ROR1: variants seen among roughly 807,000 people sequenced by gnomAD.
The protein encoded by ROR1 is ROR family WNT receptor 1.
A neutral mutation model predicts 78.8 loss-of-function variants in ROR1; 19 were observed. The ratio of observed to expected loss-of-function variants is 0.24; its 90% CI spans 0.17 to 0.35. The LOEUF (loss-of-function observed/expected upper bound fraction) is 0.35, where lower values mean the gene tolerates loss of function less well. ROR1 is among the 10% of genes least tolerant of loss of function. The pLI is 1.00. For synonymous variants in ROR1, 386 were observed against 433.6 expected, an observed-to-expected ratio of 0.89 and a Z score of 1.36; for missense variants, 917 against 1,177.8, an observed-to-expected ratio of 0.78 and a Z score of 3.24.
At chr1:63,817,124 G>A (rs1216513950) in intron 1 of ROR1, among the ~76,000 whole-genome samples, 1 of 152,178 alleles carries the variant, frequency 6.6e-6, no homozygotes, top group African/African-American at 2.4e-5. Context: ...ATAACACAGT[G>A]GGTAGAATGT....
chr1:63,870,448 G>A (rs1378662133), intron 1 of ROR1, among the ~76,000 whole-genome samples: 4 of 152,110 alleles, frequency 2.6e-5, no homozygotes, highest in Admixed American at 6.6e-5. Flanking sequence ...TTGAGGCATC[G>A]CCTATTAAAG....
chr1:64,003,769 G>T (rs1646406508), intron 1 of ROR1, among the ~76,000 whole-genome samples: 1 of 152,180 alleles, frequency 6.6e-6, no homozygotes, highest in African/African-American at 2.4e-5. Flanking sequence ...AGGCGCCTTT[G>T]GTTGAGGTGA....
chr1:64,124,510 C>T (rs1419526635), intron 4 of ROR1, among the ~76,000 whole-genome samples: 1 of 152,056 alleles, frequency 6.6e-6, no homozygotes, highest in African/African-American at 2.4e-5. Context: ...TCAGCTGCCC[C>T]TAGGATTCAG....
At chr1:63,882,738 A>T (rs1300782380) in intron 1 of ROR1, among the ~76,000 whole-genome samples, 2 of 152,206 alleles carry the variant, frequency 1.3e-5, no homozygotes. Context: ...AATGATGGGC[A>T]TGAAGAGTTC....
chr1:63,872,680 T>C (rs1022867784), intron 1 of ROR1, among the ~76,000 whole-genome samples: 1 of 152,200 alleles, frequency 6.6e-6, no homozygotes, highest in African/African-American at 2.4e-5. Context: ...TCTGATTTTA[T>C]CCTTGGCTTA....
chr1:63,951,565 A>G (rs1470220794), intron 1 of ROR1, among the ~76,000 whole-genome samples: 2 of 152,230 alleles, frequency 1.3e-5, no homozygotes, highest in Non-Finnish European at 2.9e-5. Context: ...GATCTCTCAC[A>G]CAGAGGCAAA....
intron 4 of ROR1, chr1:64,111,892 T>A (rs774528404): frequency 1.3e-5 from 2 of 152,220 alleles, no homozygotes; most frequent in African/African-American, 4.8e-5. Context: ...TGTGATGATG[T>A]TTAAGACTTG....
At position 64,023,298 on chromosome 1, in the gene ROR1, C is replaced by A. The variant is rs145519655; in HGVS notation, c.163+13922C>A. On this transcript the variant is annotated intron_variant, in intron 2 of 8. Transcript: ENST00000371079. ...TAGACAGTGCCTTCTTAGCTCTCAGCAGCCCTCATCCTACTGAGAGAGGAA... is the reference window on the plus strand; with the variant it reads ...TAGACAGTGCCTTCTTAGCTCTCAGAAGCCCTCATCCTACTGAGAGAGGAA... Among the ~76,000 whole-genome samples the A allele has an allele frequency of 3.1e-3, 478 of 152,278 alleles. 3 individuals carry two copies. Among genetic ancestry groups the A allele is most frequent in the African/African-American group, 0.011 (456 of 41,554 alleles).
intron 1 of ROR1, chr1:63,788,805 C>T (rs1357021945): frequency 4.9e-6 from 3 of 615,168 alleles, no homozygotes; most frequent in Non-Finnish European, 9.4e-6. Context: ...TGCATGCTTC[C>T]TTGGTCTTAG....
At chr1:63,883,208 CTG>C (rs1024002643) in intron 1 of ROR1, among the ~76,000 whole-genome samples, 4 of 152,032 alleles carry the variant, frequency 2.6e-5, no homozygotes, top group African/African-American at 7.2e-5. Context: ...CCTTCCAACT[CTG>C]AGATTTTTTT....
At chr1:63,841,742 A>C (rs1050006231) in intron 1 of ROR1, among the ~76,000 whole-genome samples, 6 of 152,242 alleles carry the variant, frequency 3.9e-5, no homozygotes, top group Non-Finnish European at 5.9e-5. Context: ...TATTGAGCAT[A>C]TACATTGTGC....
At chr1:64,146,353 G>A (rs1649473558) in intron 7 of ROR1, among the ~76,000 whole-genome samples, 1 of 152,216 alleles carries the variant, frequency 6.6e-6, no homozygotes, top group South Asian at 2.1e-4. Context: ...GCATGCACCT[G>A]TAATCCCAGC....
chr1:63,964,575 C>T (rs149408122), intron 1 of ROR1, among the ~76,000 whole-genome samples: 2 of 152,180 alleles, frequency 1.3e-5, no homozygotes, highest in Admixed American at 1.3e-4. Flanking sequence ...CTTCCCCACT[C>T]GGAGCTTACA....
chr1:63,985,733 T>C (rs985638944), intron 1 of ROR1, among the ~76,000 whole-genome samples: 2 of 150,936 alleles, frequency 1.3e-5, no homozygotes, highest in Admixed American at 1.3e-4. Flanking sequence ...ATAATAATTA[T>C]TATTATTTTA....
chr1:64,015,330 G>A (rs896477869), intron 2 of ROR1, among the ~76,000 whole-genome samples: 3 of 152,170 alleles, frequency 2.0e-5, no homozygotes, highest in African/African-American at 7.2e-5. Flanking sequence ...CAACTAGCAT[G>A]TCTATGGGAT....
chr1:63,798,268 G>A (rs946586048), intron 1 of ROR1, among the ~76,000 whole-genome samples: 3 of 152,116 alleles, frequency 2.0e-5, no homozygotes, highest in Non-Finnish European at 2.9e-5. Flanking sequence ...TTGATTTGAC[G>A]CTCTGCAGGG....
At chr1:63,806,589 T>C (rs1160188905) in intron 1 of ROR1, among the ~76,000 whole-genome samples, 1 of 152,210 alleles carries the variant, frequency 6.6e-6, no homozygotes, top group Non-Finnish European at 1.5e-5. Context: ...AGTGCTGGGA[T>C]TACAGGCGTG....
chr1:64,133,910 C>T lies in ROR1; in HGVS notation c.483-3459C>T, dbSNP rs557192351. Reference sequence around the variant, plus strand: ...TGCTGGAGGAGCATTTGTTCCCCTCCAGCCAAAGCCAGTGGGGAAAAATGG... The same window carrying T: ...TGCTGGAGGAGCATTTGTTCCCCTCTAGCCAAAGCCAGTGGGGAAAAATGG... On this transcript the variant is annotated intron_variant, in intron 4 of 8. Coordinates refer to ENST00000371079, the MANE Select transcript of ROR1 (RefSeq NM_005012.4). Among the ~76,000 whole-genome samples, 12 of 152,300 alleles carry T rather than the reference C, an allele frequency of 7.9e-5. No homozygotes were observed. The South Asian group carries it at 2.3e-3, about 29-fold the overall frequency.
intron 1 of ROR1, among the ~76,000 whole-genome samples, chr1:63,932,451 C>T (rs1176623930): frequency 6.6e-6 from 1 of 152,064 alleles, no homozygotes; most frequent in African/African-American, 2.4e-5. Flanking sequence ...TAGAAAAAGG[C>T]TGTTGGGTGC....
Sources: gnomAD v4.1 joint callset for allele counts (sites outside exome capture counted in the v4.1 genomes callset) on GRCh38, gnomAD v4.1.1 for gene constraint, MANE v1.5 for transcripts, NCBI Gene and HGNC (gene_info 2026-07-23, HGNC 2026-07-21) for gene names.